SNX29: variants seen among roughly 807,000 people sequenced by gnomAD.
The protein encoded by SNX29 is sorting nexin 29, also known as sorting nexin-29.
SNX29 carries 78 observed loss-of-function variants against 102.1 expected under a neutral mutation model. That is an observed-to-expected ratio of 0.76 (90% CI 0.64 to 0.92). The LOEUF (loss-of-function observed/expected upper bound fraction) is 0.92. Ranked by LOEUF, SNX29 falls within the 40% of genes least tolerant of loss-of-function variation. The pLI, the probability that SNX29 is intolerant of heterozygous loss-of-function variation, is 0.00. For missense variants in SNX29, 1,280 were observed against 1,061.7 expected (o/e 1.21, Z -2.86); for synonymous variants, 580 against 414.5 (o/e 1.40, Z -4.85).
At chr16:12,476,411 T>C (rs866109308) in intron 18 of SNX29, among the ~76,000 whole-genome samples, 25 of 18,656 alleles carry the variant, frequency 1.3e-3, no homozygotes, top group African/African-American at 9.4e-3. Flanking sequence ...TATATATATA[T>C]ACATATATAT....
chr16:12,176,401 GTTCC>G (rs2076261713), intron 13 of SNX29, among the ~76,000 whole-genome samples: 1 of 152,148 alleles, frequency 6.6e-6, no homozygotes, highest in Admixed American at 6.5e-5. Context: ...AATAGTGAAT[GTTCC>G]AGAAACTATG....
intron 11 of SNX29, among the ~76,000 whole-genome samples, chr16:12,107,355 T>TG (rs1420530042): frequency 6.8e-6 from 1 of 146,554 alleles, no homozygotes; most frequent in African/African-American, 2.5e-5. Flanking sequence ...TTTTTTTTTT[T>TG]TAAAACGTTT....
At chr16:12,116,298 C>G (rs2053698935) in intron 11 of SNX29, among the ~76,000 whole-genome samples, 2 of 152,200 alleles carry the variant, frequency 1.3e-5, no homozygotes, top group Admixed American at 1.3e-4. Context: ...GTGGAAACAG[C>G]TCAGTATAAA....
At chr16:12,007,089 T>C (rs1326845055) in intron 3 of SNX29, among the ~76,000 whole-genome samples, 1 of 152,228 alleles carries the variant, frequency 6.6e-6, no homozygotes, top group Non-Finnish European at 1.5e-5. Flanking sequence ...ATTATTCTCC[T>C]CTACCTCAGT....
chr16:12,438,438 TCCAGCC>T (rs1021826271), intron 18 of SNX29, among the ~76,000 whole-genome samples: 37 of 151,900 alleles, frequency 2.4e-4, no homozygotes, highest in African/African-American at 8.7e-4. Flanking sequence ...ACCCGCTCAC[TCCAGCC>T]CAGGACCCCT....
chr16:12,260,564 G>A (rs1275213426), intron 14 of SNX29, among the ~76,000 whole-genome samples: 1 of 152,178 alleles, frequency 6.6e-6, no homozygotes, highest in Non-Finnish European at 1.5e-5. Flanking sequence ...TCTCTCATGT[G>A]GGGTGGGGGC....
intron 9 of SNX29, among the ~76,000 whole-genome samples, chr16:12,063,814 G>A (rs763900936): frequency 3.3e-5 from 5 of 151,766 alleles, no homozygotes; most frequent in African/African-American, 7.2e-5. Context: ...TGACAATCTC[G>A]TAGGCCTAGC....
chr16:12,398,350 C>A, intron 16 of SNX29, 96 bp from the exon 17 acceptor site: 8 of 1,327,754 alleles, frequency 6.0e-6, no homozygotes, highest in South Asian at 1.2e-5. Flanking sequence ...AGGAAATGTT[C>A]AGGGATCTCT....
At chr16:12,352,695 G>A (rs1250760855) in intron 15 of SNX29, among the ~76,000 whole-genome samples, 1 of 152,212 alleles carries the variant, frequency 6.6e-6, no homozygotes, top group Non-Finnish European at 1.5e-5. Flanking sequence ...CTGCTGGCTA[G>A]GTGGTGTCCT....
intron 20 of SNX29, among the ~76,000 whole-genome samples, chr16:12,566,774 AC>A (rs549560194): frequency 2.3e-3 from 356 of 152,344 alleles, no homozygotes; most frequent in Non-Finnish European, 3.7e-3. Context: ...GGAGGAAAGC[AC>A]AGCACACGCC....
intron 18 of SNX29, among the ~76,000 whole-genome samples, chr16:12,451,692 A>C (rs991195227): frequency 6.6e-6 from 1 of 152,102 alleles, no homozygotes; most frequent in African/African-American, 2.4e-5. Flanking sequence ...TGAAATCCCC[A>C]TCTCTACTAA....
chr16:12,497,881 G>A lies in SNX29; in HGVS notation c.2178+20022G>A, dbSNP rs13336098. Among the ~76,000 whole-genome samples, 611 of 152,296 alleles carry A rather than the reference G, an allele frequency of 4.0e-3. 9 individuals carry two copies. The highest frequency in any genetic ancestry group is 0.014 in the African/African-American group (572 of 41,552). On this transcript the variant is annotated intron_variant, in intron 19 of 20. Coordinates refer to ENST00000566228, the MANE Select transcript of SNX29 (RefSeq NM_032167.5). ...TGCCTGTCCCAGGACCAATCACAGC[G>A]ACTGTGATTGGCCAGGTCATTGGTT... is the stretch of plus-strand genomic sequence containing the variant.
intron 11 of SNX29, among the ~76,000 whole-genome samples, chr16:12,108,817 A>T (rs906587965): frequency 1.3e-5 from 2 of 152,088 alleles, no homozygotes; most frequent in Admixed American, 6.5e-5. Context: ...ATAACAGAGT[A>T]CTTGAAGTTG....
chr16:12,365,091 A>C lies in SNX29; in HGVS notation c.1899+8812A>C, dbSNP rs984636923. On this transcript the variant is annotated intron_variant, in intron 16 of 20. Transcript: ENST00000566228. ...CAAAGGCACACAGCTTCATGGTAGC[A>C]CCTGAATGTAAACCCAGGACTCTTT... Among the ~76,000 whole-genome samples, 4 of 152,148 alleles carry C rather than the reference A, an allele frequency of 2.6e-5. 1 individual carries two copies. The highest frequency in any genetic ancestry group is 2.0e-4 in the Admixed American group (3 of 15,280).
rs78585937 is a variant in SNX29, at chr16:12,545,844, G to C, written c.2318+21003G>C. On this transcript the variant is annotated intron_variant, in intron 20 of 20. Coordinates refer to ENST00000566228, the MANE Select transcript of SNX29 (RefSeq NM_032167.5). ...TCCAGACCTGTGGGGGAGGGGAGCA[G>C]ATCACCTCTCCTTGAGAGGGTGAGC... Among the ~76,000 whole-genome samples, 17 of 152,168 alleles carry C rather than the reference G, an allele frequency of 1.1e-4. No individual in the cohort carries two copies. In the East Asian group the frequency reaches 3.1e-3, roughly 28 times the overall value.
At chr16:12,398,579 A>G in intron 17 of SNX29, 78 bp downstream of exon 17, 1 of 1,515,532 alleles carries the variant, frequency 6.6e-7, no homozygotes, top group Non-Finnish European at 9.2e-7. Flanking sequence ...AGAAGACCAC[A>G]GGGGGAAACA....
At chr16:12,551,301 C>T (rs960418548) in intron 20 of SNX29, among the ~76,000 whole-genome samples, 1 of 152,136 alleles carries the variant, frequency 6.6e-6, no homozygotes, top group Non-Finnish European at 1.5e-5. Flanking sequence ...TTTGTCAGCC[C>T]ACCAAAAAGC....
chr16:12,040,227 A>AC (rs2049821821), intron 4 of SNX29, among the ~76,000 whole-genome samples: 1 of 152,014 alleles, frequency 6.6e-6, no homozygotes, highest in African/African-American at 2.4e-5. Flanking sequence ...AAAAATTAAA[A>AC]AGTTAGCTGG....
At chr16:12,024,907 G>C (rs2057145064) in intron 3 of SNX29, among the ~76,000 whole-genome samples, 1 of 152,134 alleles carries the variant, frequency 6.6e-6, no homozygotes, top group Admixed American at 6.6e-5. Flanking sequence ...CTCTGAGACA[G>C]ACCCCTGATC....
Sources: allele counts gnomAD v4.1 joint callset (sites outside exome capture counted in the v4.1 genomes callset), GRCh38; gene constraint gnomAD v4.1.1; transcripts MANE v1.5; gene names NCBI Gene and HGNC (gene_info 2026-07-23, HGNC 2026-07-21).